Variants in PCDHA4 observed in about 807,000 individuals in gnomAD.
PCDHA4 encodes protocadherin alpha 4, also known as protocadherin alpha-4.
PCDHA4 carries 49 observed loss-of-function variants against 61.4 expected under a neutral mutation model. The observed-to-expected ratio is 0.80, with a 90% CI of 0.63 to 1.01. PCDHA4 has a LOEUF of 1.01. Among genes scored for constraint, PCDHA4 ranks in the 50% least tolerant of loss-of-function variants. PCDHA4 has a pLI of 0.00. For synonymous variants in PCDHA4, 590 were observed against 550.3 expected, an observed-to-expected ratio of 1.07 and a Z score of -1.01; for missense variants, 1,254 against 1,235.8, an observed-to-expected ratio of 1.01 and a Z score of -0.22.
intron 1 of PCDHA4, chr5:140,968,123 C>A: frequency 6.2e-7 from 1 of 1,614,178 alleles, no homozygotes; most frequent in Non-Finnish European, 8.5e-7. Context: ...CACATCCCTG[C>A]GTACACTGAA....
rs193081186 is a variant in PCDHA4, at chr5:140,886,365, A to G, written c.2385+76793A>G. Among the ~76,000 whole-genome samples the G allele has an allele frequency of 3.1e-3, 466 of 152,304 alleles. 3 individuals carry two copies. Among genetic ancestry groups the G allele is most frequent in the Middle Eastern group, 0.014 (4 of 294 alleles). On this transcript the variant is annotated intron_variant, in intron 1 of 3. Transcript: ENST00000530339. Reference sequence around the variant, plus strand: ...GTGCAGGTTTGTTACATAGGTGTACATGCCATGGTGTGCTTATCTATTATC... The same window carrying G: ...GTGCAGGTTTGTTACATAGGTGTACGTGCCATGGTGTGCTTATCTATTATC...
intron 1 of PCDHA4, among the ~76,000 whole-genome samples, chr5:140,925,065 G>C (rs782540022): frequency 2.0e-5 from 3 of 151,188 alleles, no homozygotes; most frequent in Non-Finnish European, 4.4e-5. Flanking sequence ...GGGCAACAAA[G>C]CAACACGCTC....
intron 1 of PCDHA4, among the ~76,000 whole-genome samples, chr5:140,922,177 A>C (rs1194396252): frequency 2.9e-5 from 2 of 69,034 alleles, no homozygotes; most frequent in African/African-American, 9.2e-5. Context: ...TACAGCAGAC[A>C]AAAAAAAAGT....
intron 1 of PCDHA4, among the ~76,000 whole-genome samples, chr5:140,884,988 A>G (rs2060423125): frequency 6.6e-6 from 1 of 152,242 alleles, no homozygotes; most frequent in African/African-American, 2.4e-5. Context: ...CATTTAGAAA[A>G]TGTTTGTTTT....
chr5:140,850,295 C>T (rs2150478300), intron 1 of PCDHA4: 1 of 1,596,420 alleles, frequency 6.3e-7, no homozygotes, highest in South Asian at 1.1e-5. Flanking sequence ...TGGACGCCGA[C>T]TCGGGCTACA....
intron 1 of PCDHA4, among the ~76,000 whole-genome samples, chr5:140,908,808 A>C (rs781863210): frequency 6.6e-6 from 1 of 152,068 alleles, no homozygotes; most frequent in Non-Finnish European, 1.5e-5. Flanking sequence ...AAAAAGTGAG[A>C]GCCTTTTGGG....
At chr5:140,853,592 T>A in intron 1 of PCDHA4, 2 of 987,050 alleles carry the variant, frequency 2.0e-6, no homozygotes, top group Non-Finnish European at 1.2e-6. Context: ...TTAGACACTT[T>A]GAGAGCAAAG....
intron 1 of PCDHA4, among the ~76,000 whole-genome samples, chr5:140,831,493 A>G (rs1458083033): frequency 1.2e-5 from 1 of 84,180 alleles, no homozygotes; most frequent in Non-Finnish European, 2.4e-5. Context: ...TGGAGTTACT[A>G]CACACGAGCA....
At chr5:140,848,633 C>A in intron 1 of PCDHA4, 1 of 1,593,314 alleles carries the variant, frequency 6.3e-7, no homozygotes, top group Non-Finnish European at 8.6e-7. Flanking sequence ...CCTTCGTGGG[C>A]CGCATCGCGC....
At chr5:141,008,686 A>G (rs1419778370) in intron 3 of PCDHA4, among the ~76,000 whole-genome samples, 1 of 152,174 alleles carries the variant, frequency 6.6e-6, no homozygotes, top group Non-Finnish European at 1.5e-5. Flanking sequence ...TAGTTATTGC[A>G]TGTATTAAGT....
rs1581182642 is a variant in PCDHA4 at position 140,849,406 on chromosome 5, T to A, written c.2385+39834T>A. ...GACCCCTTAAGTGGGGCAATCACAG[T>A]GATAGGACATATGGATTTTGAAGAA... On this transcript the variant is annotated intron_variant, in intron 1 of 3. Transcript: ENST00000530339. 1.3e-5 allele frequency: 20 copies of A among 1,558,610 alleles called. 3 individuals carry two copies. The highest frequency in any genetic ancestry group is 7.2e-5 in the African/African-American group (5 of 69,302).
At chr5:140,958,290 T>C (rs1554223401) in intron 1 of PCDHA4, among the ~76,000 whole-genome samples, 1 of 152,154 alleles carries the variant, frequency 6.6e-6, no homozygotes, top group Non-Finnish European at 1.5e-5. Context: ...TTAAATATTA[T>C]TGAACTTAAT....
At chr5:140,952,768 AT>A (rs1554220610) in intron 1 of PCDHA4, among the ~76,000 whole-genome samples, 1 of 152,180 alleles carries the variant, frequency 6.6e-6, no homozygotes, top group African/African-American at 2.4e-5. Context: ...AGACTGGATA[AT>A]TTAGAAAGAA....
In PCDHA4 at chr5:140,809,262, C is replaced by A; in HGVS notation, c.2075C>A (p.Ala692Glu). The A allele has an allele frequency of 1.9e-6, 3 of 1,614,084 alleles. No individual in the cohort carries two copies. Among genetic ancestry groups the A allele is most frequent in the South Asian group, 1.1e-5 (1 of 91,088 alleles). The change falls in exon 1 of 4, where the codon GCG (alanine) becomes GAG (glutamate). Residue 692 changes from alanine to glutamate, a missense_variant. Ala to Glu is a moderately radical substitution (Grantham distance 107). Coordinates refer to ENST00000530339, the MANE Select transcript of PCDHA4 (RefSeq NM_018907.4). ...ALVGAVGPDAALVDVNVYLII... is the reference protein window; with the variant it reads ...ALVGAVGPDAELVDVNVYLII... ...GTGGGCGCTGTGGGTCCCGATGCTG[C>A]GCTGGTGGATGTCAACGTATACCTG...
At chr5:140,829,902 A>T (rs2150177390) in intron 1 of PCDHA4, 1 of 1,613,948 alleles carries the variant, frequency 6.2e-7, no homozygotes, top group Non-Finnish European at 8.5e-7. Flanking sequence ...TCAGGCTACA[A>T]CGCGTGGCTT....
At position 141,010,147 on chromosome 5, in the gene PCDHA4, C is replaced by A; in HGVS notation, c.*210C>A. ...AAGTCTGGTGTTAACTCTTTCTCTC[C>A]ACTCTGGCTTGTTTTCAGAACCTAA... On this transcript the variant is annotated 3_prime_UTR_variant, in exon 4 of 4. Coordinates refer to ENST00000530339, the MANE Select transcript of PCDHA4 (RefSeq NM_018907.4). 1 of 1,583,190 alleles carries A rather than the reference C, an allele frequency of 6.3e-7. No individual in the cohort carries two copies. Among genetic ancestry groups the A allele is most frequent in the Non-Finnish European group, 8.6e-7 (1 of 1,163,606 alleles).
At chr5:140,877,943 T>C in intron 1 of PCDHA4, 1 of 1,363,226 alleles carries the variant, frequency 7.3e-7, no homozygotes, top group Non-Finnish European at 9.6e-7. Context: ...TCCTTTAAAC[T>C]ATCGAATGTC....
chr5:140,850,161 C>G, intron 1 of PCDHA4: 1 of 1,594,998 alleles, frequency 6.3e-7, no homozygotes, highest in Non-Finnish European at 8.6e-7. Context: ...GGTGTTCGTG[C>G]TGGACGAGAA....
rs183230708 is a variant in PCDHA4, at chr5:140,914,004, A to G, written c.2386-64945A>G. Among the ~76,000 whole-genome samples, 112 of 152,288 alleles carry G rather than the reference A, an allele frequency of 7.4e-4. 1 individual carries two copies. Among genetic ancestry groups the G allele is most frequent in the Middle Eastern group, 6.8e-3 (2 of 294 alleles). On this transcript the variant is annotated intron_variant, in intron 1 of 3. Coordinates refer to ENST00000530339, the MANE Select transcript of PCDHA4 (RefSeq NM_018907.4). ...TTGTATTGTGACTAGCATATGGTCT[A>G]TCTTTGAGAATGATCCACGTGCTGA...
Sources: allele counts gnomAD v4.1 joint callset (sites outside exome capture counted in the v4.1 genomes callset), GRCh38; gene constraint gnomAD v4.1.1; transcripts MANE v1.5; gene names NCBI Gene and HGNC (gene_info 2026-07-23, HGNC 2026-07-21).